Variants in HEMK2 observed in about 807,000 individuals in gnomAD.
HEMK2 encodes HemK methyltransferase 2, ETF1 glutamine and histone H4 lysine, also known as methyltransferase HEMK2.
At chr21:28,810,741 A>T in the HEMK2 span, among the ~76,000 whole-genome samples, 13 of 152,154 alleles carry the variant, frequency 8.5e-5, no homozygotes, top group East Asian at 2.3e-3. Flanking sequence ...CCCCAAAAAT[A>T]CTCATTCTTC....
the HEMK2 span, among the ~76,000 whole-genome samples, chr21:28,702,665 T>C: frequency 6.6e-6 from 1 of 151,998 alleles, no homozygotes; most frequent in African/African-American, 2.4e-5. Context: ...AATAACAGAT[T>C]CTAGTGAGGG....
chr21:28,839,412 G>A, the HEMK2 span, among the ~76,000 whole-genome samples: 1 of 152,062 alleles, frequency 6.6e-6, no homozygotes, highest in Non-Finnish European at 1.5e-5. Context: ...ATTCAAATCA[G>A]TAAAGAGGAA....
chr21:28,701,705 T>A, the HEMK2 span, among the ~76,000 whole-genome samples: 1 of 151,966 alleles, frequency 6.6e-6, no homozygotes, highest in Non-Finnish European at 1.5e-5. Context: ...TGGAAAAACA[T>A]CCCATGTGCA....
At chr21:28,718,663 G>A in the HEMK2 span, among the ~76,000 whole-genome samples, 1 of 151,766 alleles carries the variant, frequency 6.6e-6, no homozygotes, top group African/African-American at 2.4e-5. Context: ...GGAGAGTTAT[G>A]TGAAAACAGA....
chr21:28,744,777 T>C, the HEMK2 span, among the ~76,000 whole-genome samples: 1 of 152,236 alleles, frequency 6.6e-6, no homozygotes, highest in African/African-American at 2.4e-5. Context: ...TGGTTATAAA[T>C]ATGTAAACTA....
At chr21:28,753,350 C>G in the HEMK2 span, among the ~76,000 whole-genome samples, 1 of 120,156 alleles carries the variant, frequency 8.3e-6, no homozygotes, top group Non-Finnish European at 1.6e-5. Flanking sequence ...CAGTGAGACT[C>G]TGTCTCAAAA....
the HEMK2 span, among the ~76,000 whole-genome samples, chr21:28,828,291 G>C: frequency 3.3e-5 from 5 of 152,054 alleles, no homozygotes; most frequent in African/African-American, 1.2e-4. Flanking sequence ...GGAGCAGTGG[G>C]ATTTAGATGC....
chr21:28,870,403 A>T, the HEMK2 span, among the ~76,000 whole-genome samples: 1 of 146,894 alleles, frequency 6.8e-6, no homozygotes, highest in African/African-American at 2.5e-5. Context: ...TCAAAATGTC[A>T]TTTCTTTTTT....
At chr21:28,759,735 G>A in the HEMK2 span, among the ~76,000 whole-genome samples, 2 of 152,230 alleles carry the variant, frequency 1.3e-5, no homozygotes, top group East Asian at 1.9e-4. Context: ...AGATCTGATG[G>A]TTTTGTAAGG....
chr21:28,697,451 T>C, the HEMK2 span, among the ~76,000 whole-genome samples: 2 of 152,166 alleles, frequency 1.3e-5, no homozygotes, highest in South Asian at 4.1e-4. Flanking sequence ...CTATCAGCAT[T>C]TTGGTCAAAA....
the HEMK2 span, among the ~76,000 whole-genome samples, chr21:28,675,079 T>C: frequency 6.6e-6 from 1 of 152,228 alleles, no homozygotes; most frequent in African/African-American, 2.4e-5. Flanking sequence ...CTAAAACACA[T>C]TGGTAAATTA....
the HEMK2 span, among the ~76,000 whole-genome samples, chr21:28,858,620 A>AAAGGAGGGAAGG: frequency 5.3e-5 from 8 of 151,828 alleles, no homozygotes; most frequent in African/African-American, 1.9e-4. Context: ...GGAAGTGGGG[A>AAAGGAGGGAAGG]AAGGAGGGAA....
the HEMK2 span, among the ~76,000 whole-genome samples, chr21:28,739,956 T>C: frequency 1.3e-5 from 2 of 152,218 alleles, no homozygotes; most frequent in African/African-American, 4.8e-5. Flanking sequence ...TTGTATCATC[T>C]GGAGGATTTT....
the HEMK2 span, among the ~76,000 whole-genome samples, chr21:28,808,770 T>G: frequency 1.3e-5 from 2 of 152,302 alleles, no homozygotes; most frequent in Middle Eastern, 3.4e-3. Flanking sequence ...TGTAGAACTC[T>G]TAGAACTATT....
chr21:28,690,246 A>AG, the HEMK2 span, among the ~76,000 whole-genome samples: 1 of 152,208 alleles, frequency 6.6e-6, no homozygotes, highest in Non-Finnish European at 1.5e-5. Context: ...AGATTCAGGT[A>AG]GGGGCACAGC....
At chr21:28,677,118 C>T in the HEMK2 span, among the ~76,000 whole-genome samples, 448 of 152,240 alleles carry the variant, frequency 2.9e-3, 14 homozygotes, top group East Asian at 0.064. Flanking sequence ...ACCCGGTAAG[C>T]GCAAGGGGTC....
the HEMK2 span, among the ~76,000 whole-genome samples, chr21:28,596,324 GTTC>G: frequency 1.5e-4 from 23 of 152,002 alleles, no homozygotes; most frequent in Non-Finnish European, 3.2e-4. Context: ...AACCCAAACA[GTTC>G]TTATTATTAT....
the HEMK2 span, among the ~76,000 whole-genome samples, chr21:28,739,843 T>C: frequency 6.6e-6 from 1 of 152,200 alleles, no homozygotes; most frequent in African/African-American, 2.4e-5. Flanking sequence ...GAAAGAAGGT[T>C]AAATACACAG....
the HEMK2 span, among the ~76,000 whole-genome samples, chr21:28,733,244 A>G: frequency 6.6e-6 from 1 of 152,248 alleles, no homozygotes. Flanking sequence ...GTGCCACTGC[A>G]GTCCAGCCTG....
Sources: gnomAD v4.1 joint callset for allele counts (sites outside exome capture counted in the v4.1 genomes callset) on GRCh38, gnomAD v4.1.1 for gene constraint, MANE v1.5 for transcripts, NCBI Gene and HGNC (gene_info 2026-07-23, HGNC 2026-07-21) for gene names.